Variants in EXT2 observed in about 807,000 individuals in gnomAD.
EXT2 encodes the protein exostosin-2.
In EXT2, 53 loss-of-function variants were observed where a neutral mutation model predicts 81.6. The ratio of observed to expected loss-of-function variants is 0.65; its 90% confidence interval spans 0.52 to 0.82. The LOEUF (loss-of-function observed/expected upper bound fraction) is 0.82. Among genes scored for constraint, EXT2 ranks in the 40% least tolerant of loss-of-function variants. EXT2 has a pLI of 0.00. For missense variants in EXT2, 774 were observed against 910.2 expected, an observed-to-expected ratio of 0.85 and a Z score of 1.93; for synonymous variants, 320 against 340.0, an observed-to-expected ratio of 0.94 and a Z score of 0.65.
intron 8 of EXT2, among the ~76,000 whole-genome samples, chr11:44,181,221 T>G (rs1345030778): frequency 6.6e-6 from 1 of 152,208 alleles, no homozygotes; most frequent in Non-Finnish European, 1.5e-5. Context: ...ATCTTCTAAG[T>G]TTTTCATTTT....
intron 1 of EXT2, among the ~76,000 whole-genome samples, chr11:44,096,638 T>A (rs1426522429): frequency 6.6e-6 from 1 of 152,150 alleles, no homozygotes; most frequent in Admixed American, 6.5e-5. Flanking sequence ...CGGGACTAGG[T>A]GGCCAGAAGC....
intron 7 of EXT2, among the ~76,000 whole-genome samples, chr11:44,164,056 T>A (rs529853730): frequency 7.8e-4 from 119 of 152,320 alleles, no homozygotes; most frequent in African/African-American, 2.8e-3. Flanking sequence ...TTTTTTCTTT[T>A]TGTGTTTCAG....
chr11:44,152,878 C>T (rs560926651), intron 7 of EXT2, among the ~76,000 whole-genome samples: 108 of 152,266 alleles, frequency 7.1e-4, no homozygotes, highest in South Asian at 1.7e-3. Flanking sequence ...TATTCTGTTC[C>T]GTTGATCTGT....
At chr11:44,106,959 G>A (rs1055653825) in intron 1 of EXT2, among the ~76,000 whole-genome samples, 1 of 152,122 alleles carries the variant, frequency 6.6e-6, no homozygotes, top group African/African-American at 2.4e-5. Context: ...TGAAGCTTCA[G>A]TTTGTCCAGT....
intron 8 of EXT2, among the ~76,000 whole-genome samples, chr11:44,184,620 G>A (rs1400440641): frequency 5.3e-5 from 8 of 152,076 alleles, no homozygotes; most frequent in East Asian, 3.9e-4. Flanking sequence ...GCGTGGTGGC[G>A]GGCGCCTGTG....
intron 8 of EXT2, among the ~76,000 whole-genome samples, chr11:44,195,046 C>T (rs1955438732): frequency 2.6e-5 from 4 of 152,124 alleles, no homozygotes; most frequent in Admixed American, 2.6e-4. Context: ...CAATGAGTTG[C>T]TAAGGTACAA....
Position 44,181,050 on chromosome 11 carries a change from G to A in EXT2, c.1305+9308G>A, listed in dbSNP as rs1248726898. 3.3e-5 allele frequency among the ~76,000 whole-genome samples: 5 copies of A among 151,780 alleles called. No homozygotes were observed. The South Asian group carries it at 8.3e-4, about 25-fold the overall frequency. ...CAGGAGGCGGAGGTTGCAGGGAGCCGAGTTCGCACCATTGCACTCCAGCCT... is the reference window on the plus strand; with the variant it reads ...CAGGAGGCGGAGGTTGCAGGGAGCCAAGTTCGCACCATTGCACTCCAGCCT... On this transcript the variant is annotated intron_variant, in intron 8 of 13. Coordinates refer to ENST00000533608, the MANE Select transcript of EXT2 (RefSeq NM_207122.2).
chr11:44,238,630 G>A (rs1955998527), intron 13 of EXT2, among the ~76,000 whole-genome samples: 1 of 152,188 alleles, frequency 6.6e-6, no homozygotes, highest in South Asian at 2.1e-4. Context: ...TCAAAGGGCT[G>A]TAACTGATCA....
intron 12 of EXT2, 145 bp from the exon 13 acceptor site, chr11:44,236,148 G>A (rs1955961424): frequency 1.3e-6 from 1 of 762,142 alleles, no homozygotes; most frequent in Non-Finnish European, 2.3e-6. Context: ...GTTGAATGGA[G>A]GAATGGCGAG....
At chr11:44,224,649 T>G (rs2135244221) in intron 10 of EXT2, among the ~76,000 whole-genome samples, 1 of 152,306 alleles carries the variant, frequency 6.6e-6, no homozygotes, top group East Asian at 1.9e-4. Flanking sequence ...GAAGCAGATT[T>G]ATGCTTTGAA....
At chr11:44,181,604 AT>A (rs1955237216) in intron 8 of EXT2, among the ~76,000 whole-genome samples, 1 of 151,524 alleles carries the variant, frequency 6.6e-6, no homozygotes, top group Non-Finnish European at 1.5e-5. Context: ...CTTTCTTTTG[AT>A]TTTTAATATT....
intron 7 of EXT2, among the ~76,000 whole-genome samples, chr11:44,155,011 C>G (rs568971924): frequency 6.6e-6 from 1 of 151,644 alleles, no homozygotes; most frequent in African/African-American, 2.4e-5. Flanking sequence ...GTTATTAATC[C>G]CTTGTCAGAT....
At chr11:44,242,032 G>C (rs1273596512) in intron 13 of EXT2, among the ~76,000 whole-genome samples, 2 of 152,200 alleles carry the variant, frequency 1.3e-5, no homozygotes, top group African/African-American at 2.4e-5. Flanking sequence ...GTGGCTTCTT[G>C]CCTATGACCC....
intron 8 of EXT2, among the ~76,000 whole-genome samples, chr11:44,194,463 G>A (rs1955432051): frequency 2.0e-5 from 3 of 152,156 alleles, no homozygotes; most frequent in South Asian, 2.1e-4. Flanking sequence ...CTATAAAATG[G>A]TAATGCATAC....
intron 7 of EXT2, among the ~76,000 whole-genome samples, chr11:44,141,809 C>G (rs1246805561): frequency 2.0e-5 from 3 of 152,132 alleles, no homozygotes; most frequent in Non-Finnish European, 4.4e-5. Context: ...TAATTTGCAG[C>G]CTATGTAAGA....
intron 13 of EXT2, among the ~76,000 whole-genome samples, chr11:44,240,314 G>C (rs1196239879): frequency 1.3e-5 from 2 of 152,218 alleles, no homozygotes; most frequent in Non-Finnish European, 2.9e-5. Flanking sequence ...AGAGAACCAG[G>C]ATATACAGTG....
intron 9 of EXT2, among the ~76,000 whole-genome samples, chr11:44,198,439 A>G (rs1461183465): frequency 6.6e-6 from 1 of 151,912 alleles, no homozygotes; most frequent in East Asian, 1.9e-4. Context: ...AGCAAAGCAT[A>G]CCCTGTCCAG....
chr11:44,234,211 G>T lies in EXT2; in HGVS notation c.1903G>T (p.Val635Leu). Residue 635 changes from valine (V) to leucine (L), a missense_variant, in exon 12 of 14, where the codon GTG becomes TTG. By Grantham distance (32) the Val-to-Leu change is conservative (BLOSUM62 1). This residue lies in a region of EXT2 where 148 missense variants were observed against 239.7 expected (regional missense o/e 0.62). Coordinates refer to ENST00000533608, the MANE Select transcript of EXT2 (RefSeq NM_207122.2). ...NCEDIAMNFL[V>L]ANVTGKAVIK... ...TGAAGATATTGCCATGAACTTCCTG[G>T]TGGCCAACGTCACGGGAAAAGCAGT... is the stretch of plus-strand genomic sequence containing the variant. 1 of 1,614,072 alleles carries T rather than the reference G, an allele frequency of 6.2e-7. No individual in the cohort carries two copies. Among genetic ancestry groups the T allele is most frequent in the South Asian group, 1.1e-5 (1 of 91,082 alleles).
chr11:44,182,416 C>A (rs1955248238), intron 8 of EXT2, among the ~76,000 whole-genome samples: 1 of 150,686 alleles, frequency 6.6e-6, no homozygotes, highest in Admixed American at 6.6e-5. Flanking sequence ...GAAGCTTTAG[C>A]TTTTTTTTTG....
Sources: gnomAD v4.1 joint callset for allele counts (sites outside exome capture counted in the v4.1 genomes callset) on GRCh38, gnomAD v4.1.1 for gene constraint, gnomAD v4.1.1 regional missense constraint, MANE v1.5 for transcripts, NCBI Gene and HGNC (gene_info 2026-07-23, HGNC 2026-07-21) for gene names.